The following PDZRN3 variants were observed in gnomAD, a reference collection of about 807,000 sequenced individuals.
The protein encoded by PDZRN3 is E3 ubiquitin-protein ligase PDZRN3.
A neutral mutation model predicts 85.7 loss-of-function variants in PDZRN3; 38 were observed. The observed-to-expected ratio is 0.44, with a 90% CI of 0.34 to 0.58. The LOEUF (loss-of-function observed/expected upper bound fraction) is 0.58. Among genes scored for constraint, PDZRN3 ranks in the 20% least tolerant of loss-of-function variants. The pLI is 0.01. For synonymous variants in PDZRN3, 759 were observed against 638.0 expected (o/e 1.19, Z -2.86); for missense variants, 1,629 against 1,506.4 (o/e 1.08, Z -1.35).
At chr3:73,542,544 C>T (rs1701303724) in intron 3 of PDZRN3, among the ~76,000 whole-genome samples, 1 of 152,040 alleles carries the variant, frequency 6.6e-6, no homozygotes. Context: ...GAGGCCGAGG[C>T]AGGTGGATCA....
At position 73,383,570 on chromosome 3, in the gene PDZRN3, C is replaced by T. The variant is rs778154786; in HGVS notation, c.2996G>A (p.Arg999Lys). Residue 999 changes from arginine to lysine, a missense_variant, in exon 10 of 10, where the codon AGG (arginine) becomes AAG (lysine). Arg to Lys is a conservative substitution (Grantham distance 26). Coordinates refer to ENST00000263666, the MANE Select transcript of PDZRN3 (RefSeq NM_015009.3). ...TTGCTGCTCCTTGAGACAATCCAAC[C>T]TGCTCTGCATCATGAACTCGCGCCG... ...RRRREFMMQS[R>K]LDCLKEQQAA... The T allele has an allele frequency of 8.7e-6, 14 of 1,614,070 alleles. No individual in the cohort carries two copies. The African/African-American group carries it at 1.7e-4, about 20-fold the overall frequency.
intron 3 of PDZRN3, among the ~76,000 whole-genome samples, chr3:73,549,334 C>T (rs1701498886): frequency 6.6e-6 from 1 of 152,128 alleles, no homozygotes; most frequent in Non-Finnish European, 1.5e-5. Context: ...TCTTCTCTAC[C>T]AGCTAGCAAA....
chr3:73,433,768 C>T, intron 3 of PDZRN3: 1 of 1,533,942 alleles, frequency 6.5e-7, no homozygotes, highest in Non-Finnish European at 8.7e-7. Context: ...AAGCAGCTCC[C>T]TTACAGTGCA....
intron 3 of PDZRN3, among the ~76,000 whole-genome samples, chr3:73,528,885 AACAC>A (rs56134399): frequency 0.03 from 4,360 of 146,776 alleles, 175 homozygotes; most frequent in African/African-American, 0.094. Flanking sequence ...TTTTGTGGGA[AACAC>A]ACACACACAC....
rs550162928 is a variant in PDZRN3, at chr3:73,552,326, C to T, written c.918+50028G>A. ...TACATAATCACTATTATACTTCTAC[C>T]CTAGTAACTTTCTCACCACTCAAAA... is the stretch of plus-strand genomic sequence containing the variant. On this transcript the variant is annotated intron_variant, in intron 3 of 9. Transcript: ENST00000263666. Among the ~76,000 whole-genome samples, 8 of 151,230 alleles carry T rather than the reference C, an allele frequency of 5.3e-5. No homozygotes were observed. The South Asian group carries it at 1.7e-3, about 32-fold the overall frequency.
chr3:73,558,887 C>T (rs775561185), intron 3 of PDZRN3, among the ~76,000 whole-genome samples: 1 of 152,222 alleles, frequency 6.6e-6, no homozygotes, highest in Non-Finnish European at 1.5e-5. Flanking sequence ...TGACAGCCTA[C>T]GCAAAGGGAT....
At chr3:73,437,846 C>T (rs1355903716) in intron 3 of PDZRN3, among the ~76,000 whole-genome samples, 1 of 152,078 alleles carries the variant, frequency 6.6e-6, no homozygotes, top group Non-Finnish European at 1.5e-5. Context: ...GGAGGTTCAC[C>T]TGCTTGATGA....
In PDZRN3 at chr3:73,388,083, A is replaced by ACC; in HGVS notation, c.1417-15_1417-14insGG. On this transcript the variant is annotated splice_polypyrimidine_tract_variant and intron_variant, in intron 7 of 9. Transcript: ENST00000263666. ...TATCCCATTAATCTTTTAAAAAAAA[A>ACC]GGGGGGGTGGGGAGAGTGGGGAGAC... is the stretch of plus-strand genomic sequence containing the variant. 57 of 907,950 alleles carry ACC rather than the reference A, an allele frequency of 6.3e-5. No individual in the cohort carries two copies. Among genetic ancestry groups the ACC allele is most frequent in the Non-Finnish European group, 8.3e-5 (49 of 588,748 alleles). The allele number at this position is 907,950 out of a possible 1,614,324, so 56.2% of individuals were successfully genotyped here.
At chr3:73,495,199 T>A (rs1703844944) in intron 3 of PDZRN3, among the ~76,000 whole-genome samples, 1 of 152,232 alleles carries the variant, frequency 6.6e-6, no homozygotes, top group South Asian at 2.1e-4. Flanking sequence ...ACAAAATCAT[T>A]TATTGAAAAG....
chr3:73,473,844 C>G (rs1703397168), intron 3 of PDZRN3, among the ~76,000 whole-genome samples: 1 of 152,172 alleles, frequency 6.6e-6, no homozygotes, highest in Non-Finnish European at 1.5e-5. Flanking sequence ...AGTCAACATC[C>G]TAACACAGCT....
chr3:73,548,905 G>T (rs554574789), intron 3 of PDZRN3, among the ~76,000 whole-genome samples: 2 of 152,338 alleles, frequency 1.3e-5, no homozygotes, highest in East Asian at 3.9e-4. Context: ...CATGAGAACT[G>T]ATGAGAAAGA....
At chr3:73,424,032 A>G (rs1702256331) in intron 3 of PDZRN3, among the ~76,000 whole-genome samples, 1 of 152,110 alleles carries the variant, frequency 6.6e-6, no homozygotes, top group Non-Finnish European at 1.5e-5. Context: ...ATGAAGTTGG[A>G]CTCTAACATC....
chr3:73,426,193 T>A (rs1333612332), intron 3 of PDZRN3, among the ~76,000 whole-genome samples: 2 of 152,096 alleles, frequency 1.3e-5, no homozygotes, highest in African/African-American at 2.4e-5. Flanking sequence ...GTATACATTA[T>A]GTATATAATG....
At chr3:73,403,168 A>G (rs1228202311) in intron 4 of PDZRN3, among the ~76,000 whole-genome samples, 2 of 152,058 alleles carry the variant, frequency 1.3e-5, no homozygotes, top group Non-Finnish European at 2.9e-5. Flanking sequence ...GGATGGTCTC[A>G]ATCTCCTGAA....
At chr3:73,388,283 T>G (rs1472700082) in intron 7 of PDZRN3, 2 of 417,916 alleles carry the variant, frequency 4.8e-6, no homozygotes, top group East Asian at 3.7e-5. Flanking sequence ...GGAGCCTCCA[T>G]GAGTATAGTT....
At chr3:73,610,586 C>G (rs1372158851) in intron 1 of PDZRN3, among the ~76,000 whole-genome samples, 1 of 152,166 alleles carries the variant, frequency 6.6e-6, no homozygotes, top group African/African-American at 2.4e-5. Context: ...ACTTTGCTAT[C>G]TTAAAGGGGT....
chr3:73,476,965 A>T (rs1292970328), intron 3 of PDZRN3, among the ~76,000 whole-genome samples: 1 of 152,206 alleles, frequency 6.6e-6, no homozygotes, highest in Non-Finnish European at 1.5e-5. Flanking sequence ...TTTTTTAAGC[A>T]CTAAATATTA....
At chr3:73,398,872 A>G (rs1576035606) in intron 5 of PDZRN3, among the ~76,000 whole-genome samples, 2 of 152,204 alleles carry the variant, frequency 1.3e-5, no homozygotes, top group Admixed American at 1.3e-4. Context: ...GCAGTGGTAT[A>G]GTGTTTCCTT....
At chr3:73,440,136 AG>A (rs1247148692) in intron 3 of PDZRN3, among the ~76,000 whole-genome samples, 1 of 152,140 alleles carries the variant, frequency 6.6e-6, no homozygotes, top group African/African-American at 2.4e-5. Flanking sequence ...AGAGATCTTG[AG>A]GAACATCCTG....
Sources: allele counts gnomAD v4.1 joint callset (sites outside exome capture counted in the v4.1 genomes callset), GRCh38; gene constraint gnomAD v4.1.1; transcripts MANE v1.5; gene names NCBI Gene and HGNC (gene_info 2026-07-23, HGNC 2026-07-21).